ANKFN1: variants seen among roughly 807,000 people sequenced by gnomAD.
ANKFN1 encodes ankyrin repeat and fibronectin type III domain containing 1.
In ANKFN1, 74 loss-of-function variants were observed where a neutral mutation model predicts 108.7. The ratio of observed to expected loss-of-function variants is 0.68; its 90% CI spans 0.56 to 0.83. ANKFN1 has a LOEUF of 0.83. Ranked by LOEUF, ANKFN1 falls within the 40% of genes least tolerant of loss-of-function variation. The probability of loss-of-function intolerance (pLI) is 0.00; values close to 1 mark genes in which losing one functional copy is unlikely to be tolerated. For missense variants in ANKFN1, 1,505 were observed against 1,382.3 expected, an observed-to-expected ratio of 1.09 and a Z score of -1.41; for synonymous variants, 547 against 516.2, an observed-to-expected ratio of 1.06 and a Z score of -0.81.
At chr17:56,325,945 C>T (rs868183164) in intron 3 of ANKFN1, among the ~76,000 whole-genome samples, 38 of 152,258 alleles carry the variant, frequency 2.5e-4, no homozygotes, top group Middle Eastern at 3.4e-3. Context: ...TAGTTTTCTC[C>T]GCAAGCCGTT....
chr17:56,481,266 A>G (rs2050693328), intron 17 of ANKFN1, among the ~76,000 whole-genome samples: 1 of 152,186 alleles, frequency 6.6e-6, no homozygotes, highest in African/African-American at 2.4e-5. Context: ...AGGATATGCC[A>G]TGCTATTTTT....
At chr17:56,481,341 AC>A (rs1304024948) in intron 17 of ANKFN1, among the ~76,000 whole-genome samples, 1 of 152,124 alleles carries the variant, frequency 6.6e-6, no homozygotes, top group Admixed American at 6.6e-5. Flanking sequence ...TCTAACCTCC[AC>A]TAATAAGCAA....
rs186571833 is a variant in ANKFN1, at chr17:56,076,980, G to A, written c.288+30655G>A. ...TAAAGTTAGTAGAAATAAAATCTTT[G>A]CTAAGATTTTATATTCTTATGGTAT... On this transcript the variant is annotated intron_variant, in intron 4 of 12. Transcript: ENST00000635860. Among the ~76,000 whole-genome samples the A allele has an allele frequency of 1.9e-3, 293 of 152,202 alleles. 1 individual carries two copies. Among genetic ancestry groups the A allele is most frequent in the African/African-American group, 6.7e-3 (278 of 41,530 alleles).
chr17:56,188,294 G>A (rs1162241413), intron 1 of ANKFN1, among the ~76,000 whole-genome samples: 2 of 151,516 alleles, frequency 1.3e-5, no homozygotes, highest in East Asian at 3.9e-4. Flanking sequence ...TCACAGTTCT[G>A]GAACCAGAAG....
intron 4 of ANKFN1, among the ~76,000 whole-genome samples, chr17:56,350,228 G>T (rs1013879719): frequency 6.6e-6 from 1 of 152,134 alleles, no homozygotes; most frequent in Admixed American, 6.6e-5. Context: ...CCAAGCCTCA[G>T]ATGGACAGAG....
intron 4 of ANKFN1, among the ~76,000 whole-genome samples, chr17:56,123,791 CTGATTG>C (rs1029807172): frequency 1.4e-5 from 2 of 138,206 alleles, no homozygotes; most frequent in African/African-American, 2.7e-5. Context: ...GTGTGCATGA[CTGATTG>C]TGTGTGTGTG....
chr17:56,399,293 A>G (rs9910369), intron 8 of ANKFN1, among the ~76,000 whole-genome samples: 3,218 of 152,198 alleles, frequency 0.021, 115 homozygotes, highest in African/African-American at 0.071. Flanking sequence ...TATAACTACA[A>G]AAGGAAAGGC....
chr17:56,440,088 C>T (rs561943668), intron 8 of ANKFN1, among the ~76,000 whole-genome samples: 205 of 151,960 alleles, frequency 1.3e-3, no homozygotes, highest in African/African-American at 4.4e-3. Flanking sequence ...TATCAAGGCT[C>T]AAAAAAACTG....
intron 1 of ANKFN1, among the ~76,000 whole-genome samples, chr17:56,173,449 C>T (rs1406523353): frequency 6.6e-6 from 1 of 152,128 alleles, no homozygotes; most frequent in Non-Finnish European, 1.5e-5. Context: ...GCTTCCTACG[C>T]CTTTGTATTT....
chr17:56,265,998 G>A (rs1394317376), intron 3 of ANKFN1, among the ~76,000 whole-genome samples: 1 of 152,162 alleles, frequency 6.6e-6, no homozygotes, highest in Non-Finnish European at 1.5e-5. Context: ...ATGTAAAAAG[G>A]TCTCTGGAAG....
intron 1 of ANKFN1, among the ~76,000 whole-genome samples, chr17:56,187,931 G>A (rs984927322): frequency 1.9e-4 from 29 of 151,374 alleles, no homozygotes; most frequent in Admixed American, 1.3e-3. Flanking sequence ...GGGGCCTGTC[G>A]TGGGGTAGGG....
chr17:56,444,673 G>T (rs576479513), intron 10 of ANKFN1, among the ~76,000 whole-genome samples: 5 of 152,116 alleles, frequency 3.3e-5, no homozygotes, highest in Non-Finnish European at 7.4e-5. Flanking sequence ...ATCTTCGTAA[G>T]GTACCTCTTG....
chr17:56,496,946 T>C (rs1179877437), intron 19 of ANKFN1, among the ~76,000 whole-genome samples: 2 of 152,092 alleles, frequency 1.3e-5, no homozygotes, highest in Non-Finnish European at 2.9e-5. Context: ...ATAACTCTGT[T>C]TGTGGGTAGA....
intron 8 of ANKFN1, among the ~76,000 whole-genome samples, chr17:56,389,027 T>G (rs1369141711): frequency 1.3e-5 from 2 of 148,416 alleles, no homozygotes; most frequent in African/African-American, 4.9e-5. Flanking sequence ...AAAAAAAAAC[T>G]AAACATGCAA....
At chr17:56,130,094 G>A (rs1907185901) in intron 4 of ANKFN1, among the ~76,000 whole-genome samples, 1 of 152,180 alleles carries the variant, frequency 6.6e-6, no homozygotes, top group Non-Finnish European at 1.5e-5. Flanking sequence ...ACTTCACATT[G>A]CTAATTCGAA....
chr17:56,133,528 CTGTGTGTGTGTGTG>C (rs10598270), intron 4 of ANKFN1, among the ~76,000 whole-genome samples: 7,953 of 146,390 alleles, frequency 0.054, 392 homozygotes, highest in African/African-American at 0.14. Context: ...ATGTGTATAC[CTGTGTGTGTGTGTG>C]TGTGTGTGTG....
intron 3 of ANKFN1, among the ~76,000 whole-genome samples, chr17:56,288,296 T>C (rs1046867071): frequency 1.3e-5 from 2 of 152,198 alleles, no homozygotes; most frequent in Non-Finnish European, 2.9e-5. Context: ...GAGTTAAATA[T>C]ACATTATCTA....
chr17:56,363,305 A>G (rs941085810), intron 6 of ANKFN1, among the ~76,000 whole-genome samples: 1 of 152,194 alleles, frequency 6.6e-6, no homozygotes, highest in African/African-American at 2.4e-5. Flanking sequence ...CAACAGATAT[A>G]TGGAAAAAAA....
chr17:56,185,736 G>A (rs1309273206), intron 1 of ANKFN1, among the ~76,000 whole-genome samples: 4 of 152,272 alleles, frequency 2.6e-5, no homozygotes, highest in Middle Eastern at 3.4e-3. Context: ...CTATTAAGTC[G>A]TTTGGGAAAT....
Sources: allele counts gnomAD v4.1 joint callset (sites outside exome capture counted in the v4.1 genomes callset), GRCh38; gene constraint gnomAD v4.1.1; transcripts MANE v1.5; gene names NCBI Gene and HGNC (gene_info 2026-07-23, HGNC 2026-07-21).